SH3KBP1: variants seen among roughly 807,000 people sequenced by gnomAD.
The protein encoded by SH3KBP1 is SH3 domain-containing kinase-binding protein 1.
SH3KBP1 carries 8 observed loss-of-function variants against 50.1 expected under a neutral mutation model. The observed-to-expected ratio is 0.16, with a 90% confidence interval of 0.09 to 0.29. The LOEUF (loss-of-function observed/expected upper bound fraction) is 0.29. Ranked by LOEUF, SH3KBP1 falls within the 10% of genes least tolerant of loss-of-function variation. The pLI is 1.00. For missense variants in SH3KBP1, 377 were observed against 535.2 expected (o/e 0.70, Z 2.92); for synonymous variants, 227 against 218.6 (o/e 1.04, Z -0.34).
In SH3KBP1 at chrX:19,670,784, A is replaced by G. The variant is rs1968136184; in HGVS notation, c.726+13039T>C. The G allele has an allele frequency of 3.9e-6, 4 of 1,026,091 alleles. No individual in the cohort carries two copies. In the African/African-American group the frequency reaches 6.2e-5, roughly 16 times the overall value. 84.6% of individuals were successfully genotyped at this position (1,026,091 alleles called of 1,213,427 possible). ...AAACCCATTACCCAGTCTTGCTACA[A>G]AATGTTATATACAGATAAGATACAG... On this transcript the variant is annotated intron_variant, in intron 6 of 17. Transcript: ENST00000397821.
intron 2 of SH3KBP1, among the ~76,000 whole-genome samples, chrX:19,818,909 A>T (rs914548585): frequency 8.9e-6 from 1 of 111,848 alleles, no homozygotes; most frequent in East Asian, 2.8e-4. Context: ...TTTGGTATTA[A>T]GGTAATACTG....
intron 6 of SH3KBP1, chrX:19,670,950 C>T (rs749977242): frequency 2.6e-6 from 3 of 1,132,344 alleles, no homozygotes; most frequent in Admixed American, 3.1e-5. Context: ...CTTCCAACAG[C>T]ACGGAGCCTG....
intron 2 of SH3KBP1, among the ~76,000 whole-genome samples, chrX:19,785,513 G>C (rs1345499494): frequency 9.0e-6 from 1 of 111,441 alleles, no homozygotes; most frequent in Non-Finnish European, 1.9e-5. Flanking sequence ...GGGCTACAGA[G>C]TGAGACCCTG....
chrX:19,578,144 T>C (rs2066261822), intron 12 of SH3KBP1, among the ~76,000 whole-genome samples: 1 of 112,014 alleles, frequency 8.9e-6, no homozygotes, highest in African/African-American at 3.2e-5. Context: ...ATCTTCTTTT[T>C]TTATGACAAC....
intron 9 of SH3KBP1, among the ~76,000 whole-genome samples, chrX:19,605,837 A>G (rs978987230): frequency 8.9e-6 from 1 of 112,366 alleles, no homozygotes; most frequent in African/African-American, 3.2e-5. Flanking sequence ...AAACCATGAC[A>G]AATAACATAA....
intron 6 of SH3KBP1, among the ~76,000 whole-genome samples, chrX:19,669,454 G>A (rs2062728412): frequency 9.1e-6 from 1 of 109,879 alleles, no homozygotes; most frequent in Admixed American, 9.8e-5. Flanking sequence ...GACATCACAG[G>A]ACCAAGGCAA....
chrX:19,777,985 A>C (rs1164210364), intron 2 of SH3KBP1, among the ~76,000 whole-genome samples: 1 of 111,052 alleles, frequency 9.0e-6, no homozygotes, highest in Admixed American at 9.6e-5. Flanking sequence ...GATCCTCTGG[A>C]GCAGCTGGCT....
intron 2 of SH3KBP1, among the ~76,000 whole-genome samples, chrX:19,770,163 C>T (rs2065745632): frequency 9.0e-6 from 1 of 111,684 alleles, no homozygotes; most frequent in Non-Finnish European, 1.9e-5. Context: ...AAGCCTAGTA[C>T]TCAATAGTTA....
intron 5 of SH3KBP1, among the ~76,000 whole-genome samples, chrX:19,691,237 T>C (rs901187780): frequency 3.7e-5 from 4 of 106,925 alleles, no homozygotes; most frequent in Admixed American, 1.0e-4. Context: ...CGGCCAGACA[T>C]TATGAGCCTC....
At chrX:19,861,438 A>G (rs1046385303) in intron 1 of SH3KBP1, among the ~76,000 whole-genome samples, 8 of 111,341 alleles carry the variant, frequency 7.2e-5, no homozygotes, top group Admixed American at 1.9e-4. Flanking sequence ...CCACACTAAA[A>G]AAGAAACAGT....
At chrX:19,697,131 T>C (rs149186506) in intron 4 of SH3KBP1, among the ~76,000 whole-genome samples, 31 of 112,028 alleles carry the variant, frequency 2.8e-4, no homozygotes, top group African/African-American at 4.9e-4. Context: ...TAGGCTAGGC[T>C]GAGCTATGCT....
rs1328289740 is a variant in SH3KBP1 at position 19,536,320 on chromosome X, A to C, written c.*97T>G. 2 of 560,504 alleles carry C rather than the reference A, an allele frequency of 3.6e-6. No homozygotes were observed. The highest frequency in any genetic ancestry group is 6.3e-5 in the South Asian group (2 of 31,560). The allele number at this position is 560,504 out of a possible 1,213,427, so 46.2% of individuals were successfully genotyped here. ...TTTCAAACAGGGACATTTTGAGGCA[A>C]ACCTTTAATCTTTTGGCACAAGATT... On this transcript the variant is annotated 3_prime_UTR_variant, in exon 18 of 18. Coordinates refer to ENST00000397821, the MANE Select transcript of SH3KBP1 (RefSeq NM_031892.3).
At chrX:19,581,228 C>T (rs766979778) in intron 12 of SH3KBP1, among the ~76,000 whole-genome samples, 10 of 112,178 alleles carry the variant, frequency 8.9e-5, no homozygotes, top group Non-Finnish European at 1.5e-4. Flanking sequence ...CACATGTGAG[C>T]CACTGCACCA....
At chrX:19,875,319 C>T (rs978214591) in intron 1 of SH3KBP1, among the ~76,000 whole-genome samples, 6 of 111,616 alleles carry the variant, frequency 5.4e-5, no homozygotes, top group African/African-American at 2.0e-4. Flanking sequence ...CTCTGAAGCA[C>T]AACTGTTCTC....
intron 2 of SH3KBP1, among the ~76,000 whole-genome samples, chrX:19,797,069 A>G (rs2147211856): frequency 8.9e-6 from 1 of 112,838 alleles, no homozygotes; most frequent in African/African-American, 3.2e-5. Flanking sequence ...TATGGTAGGG[A>G]TAAGACAGAC....
intron 2 of SH3KBP1, among the ~76,000 whole-genome samples, chrX:19,768,941 T>A (rs1017997003): frequency 8.2e-5 from 9 of 110,426 alleles, no homozygotes; most frequent in African/African-American, 1.6e-4. Flanking sequence ...TTTTTTTTTT[T>A]AAATTAGTAA....
chrX:19,547,793 T>C (rs1173510915), intron 14 of SH3KBP1, among the ~76,000 whole-genome samples: 1 of 112,095 alleles, frequency 8.9e-6, no homozygotes, highest in African/African-American at 3.2e-5. Flanking sequence ...CCTCCATCAT[T>C]TCCCCCAGTG....
intron 2 of SH3KBP1, among the ~76,000 whole-genome samples, chrX:19,795,207 T>G (rs1466857911): frequency 8.9e-6 from 1 of 111,812 alleles, no homozygotes; most frequent in Non-Finnish European, 1.9e-5. Flanking sequence ...AAAGTTGCTT[T>G]AGCTTGCTTT....
At chrX:19,565,889 GTT>G (rs1378004778) in intron 13 of SH3KBP1, among the ~76,000 whole-genome samples, 1 of 109,083 alleles carries the variant, frequency 9.2e-6, no homozygotes, top group Non-Finnish European at 1.9e-5. Flanking sequence ...CTAAGGGGAC[GTT>G]TTACATTACA....
Sources: gnomAD v4.1 joint callset for allele counts (sites outside exome capture counted in the v4.1 genomes callset) on GRCh38, gnomAD v4.1.1 for gene constraint, MANE v1.5 for transcripts, NCBI Gene and HGNC (gene_info 2026-07-23, HGNC 2026-07-21) for gene names.